Variants in DRD3 observed in about 807,000 individuals in gnomAD.
The protein encoded by DRD3 is dopamine receptor D3.
Under a neutral mutation model 36.3 loss-of-function variants are expected in DRD3, and 19 were observed. The ratio of observed to expected loss-of-function variants is 0.52; its 90% confidence interval spans 0.36 to 0.77. DRD3 has a LOEUF of 0.77. Among genes scored for constraint, DRD3 ranks in the 30% least tolerant of loss-of-function variants. DRD3 has a pLI of 0.00. For missense variants in DRD3, 465 were observed against 505.3 expected (o/e 0.92, Z 0.77); for synonymous variants, 195 against 203.7 (o/e 0.96, Z 0.36).
At chr3:114,169,459 A>T (rs1333967308) in intron 2 of DRD3, among the ~76,000 whole-genome samples, 4 of 151,628 alleles carry the variant, frequency 2.6e-5, no homozygotes, top group Non-Finnish European at 5.9e-5. Context: ...TATAGATTTT[A>T]AAAATCATGC....
rs142416108 is a variant in DRD3 at position 114,186,485 on chromosome 3, G to T, written c.-155-7709C>A. On this transcript the variant is annotated intron_variant, in intron 1 of 7. Transcript: ENST00000460779. Reference sequence around the variant, plus strand: ...GGAGGGGCTTATAACAGTGGGGGAGGTGCAACAACCGTGGTAGCATACTCC... The same window carrying T: ...GGAGGGGCTTATAACAGTGGGGGAGTTGCAACAACCGTGGTAGCATACTCC... Among the ~76,000 whole-genome samples the T allele has an allele frequency of 2.4e-4, 36 of 152,272 alleles. No homozygotes were observed. In the East Asian group the frequency reaches 6.8e-3, roughly 29 times the overall value.
chr3:114,193,907 T>C (rs1206639551), intron 1 of DRD3, among the ~76,000 whole-genome samples: 7 of 152,240 alleles, frequency 4.6e-5, no homozygotes, highest in Non-Finnish European at 8.8e-5. Context: ...GTTCATTCAC[T>C]GAGTAGATAT....
chr3:114,186,196 A>G (rs905818152), intron 1 of DRD3, among the ~76,000 whole-genome samples: 66 of 152,322 alleles, frequency 4.3e-4, no homozygotes, highest in African/African-American at 1.6e-3. Context: ...GTGGAAATAG[A>G]AAAATAAAGG....
intron 3 of DRD3, among the ~76,000 whole-genome samples, chr3:114,158,034 G>A (rs894483377): frequency 4.6e-5 from 7 of 152,030 alleles, no homozygotes; most frequent in African/African-American, 1.2e-4. Context: ...CCCGGGAGGT[G>A]GAGGTTACAG....
At chr3:114,188,001 A>G (rs1319540183) in intron 1 of DRD3, among the ~76,000 whole-genome samples, 1 of 152,046 alleles carries the variant, frequency 6.6e-6, no homozygotes, top group East Asian at 1.9e-4. Flanking sequence ...AGAAAAAGAG[A>G]AGCAAATACC....
chr3:114,133,516 T>A (rs1346078457), intron 5 of DRD3, among the ~76,000 whole-genome samples: 18 of 143,974 alleles, frequency 1.3e-4, no homozygotes, highest in Non-Finnish European at 2.0e-4. Flanking sequence ...TAATAGAAAT[T>A]AAAAAAAAAA....
At chr3:114,181,047 C>T (rs888644099), upstream of DRD3, among the ~76,000 whole-genome samples, 7 of 152,116 alleles carry the variant, frequency 4.6e-5, 1 homozygote, top group East Asian at 1.9e-4. Flanking sequence ...CTTGATAATG[C>T]GTGAATGTAG....
rs34500434 is a variant in DRD3 at position 114,164,220 on chromosome 3, C to CAAAAAAAAAAAAAA, written c.271-4367_271-4354dup. The stretch of plus-strand genomic sequence containing the variant: ...TGGGTGATAGAGCGAGCCTCAGTCT[C>CAAAAAAAAAAAAAA]AAAAAAAAAAAAAAAAAAAAAAAAA... On this transcript the variant is annotated intron_variant, in intron 2 of 6. Transcript: ENST00000383673. Among the ~76,000 whole-genome samples the CAAAAAAAAAAAAAA allele has an allele frequency of 1.0e-3, 18 of 17,776 alleles. 1 individual carries two copies. Among genetic ancestry groups the CAAAAAAAAAAAAAA allele is most frequent in the Admixed American group, 2.9e-3 (2 of 694 alleles). The allele number at this position is 17,776 out of a possible 152,430, so 11.7% of individuals were successfully genotyped here.
In DRD3 at chr3:114,193,046, G is replaced by A. The variant is rs552476152; in HGVS notation, c.-156+6227C>T. 4.6e-5 allele frequency among the ~76,000 whole-genome samples: 7 copies of A among 152,220 alleles called. No individual in the cohort carries two copies. In the East Asian group the frequency reaches 9.6e-4, roughly 21 times the overall value. ...TGTAATCCCAGCACTTTGGGAGGCC[G>A]AGGCGGGTAGATCACGAGGTCAGGA... On this transcript the variant is annotated intron_variant, in intron 1 of 7. Transcript: ENST00000460779.
At chr3:114,194,909 C>G (rs552183127) in intron 1 of DRD3, among the ~76,000 whole-genome samples, 1 of 151,480 alleles carries the variant, frequency 6.6e-6, no homozygotes, top group African/African-American at 2.4e-5. Flanking sequence ...AGAGAAAATT[C>G]TGCTTTTCTT....
chr3:114,167,670 T>A (rs1486877251), intron 2 of DRD3, among the ~76,000 whole-genome samples: 1 of 152,202 alleles, frequency 6.6e-6, no homozygotes, highest in Non-Finnish European at 1.5e-5. Flanking sequence ...CAATGAAAGC[T>A]GACTGTGGTT....
intron 3 of DRD3, among the ~76,000 whole-genome samples, chr3:114,151,989 C>G (rs1303582306): frequency 1.3e-5 from 2 of 152,232 alleles, no homozygotes; most frequent in African/African-American, 4.8e-5. Flanking sequence ...TGCAGAATAT[C>G]AGGCTTAGTT....
intron 5 of DRD3, among the ~76,000 whole-genome samples, chr3:114,137,969 G>A (rs1421202198): frequency 3.1e-5 from 4 of 130,550 alleles, no homozygotes; most frequent in African/African-American, 1.2e-4. Flanking sequence ...CTGCACTCCC[G>A]CCTGGGCCAC....
At chr3:114,162,076 G>A (rs2077738339) in intron 2 of DRD3, among the ~76,000 whole-genome samples, 1 of 152,188 alleles carries the variant, frequency 6.6e-6, no homozygotes, top group South Asian at 2.1e-4. Context: ...TTGGTTTGCA[G>A]CAGTGTATGT....
intron 1 of DRD3, among the ~76,000 whole-genome samples, chr3:114,174,214 A>G (rs745414589): frequency 2.0e-5 from 3 of 152,186 alleles, no homozygotes; most frequent in Non-Finnish European, 2.9e-5. Context: ...GAAAAATACA[A>G]TGCTTTCTGA....
chr3:114,171,444 C>A (rs2077840430), intron 2 of DRD3, among the ~76,000 whole-genome samples: 1 of 152,142 alleles, frequency 6.6e-6, no homozygotes, highest in Non-Finnish European at 1.5e-5. Context: ...AAACTCTAGG[C>A]CATATTAGGA....
At chr3:114,179,943 C>T (rs2077937094), upstream of DRD3, among the ~76,000 whole-genome samples, 2 of 152,082 alleles carry the variant, frequency 1.3e-5, no homozygotes. Flanking sequence ...TTTCAACAAC[C>T]CTACAAGGCA....
chr3:114,136,340 T>C (rs1327217708), intron 5 of DRD3, among the ~76,000 whole-genome samples: 1 of 152,130 alleles, frequency 6.6e-6, no homozygotes, highest in Non-Finnish European at 1.5e-5. Context: ...GATTATATAT[T>C]GGTGAGTGTA....
At chr3:114,180,661 A>G (rs1300642970), upstream of DRD3, among the ~76,000 whole-genome samples, 1 of 152,200 alleles carries the variant, frequency 6.6e-6, no homozygotes, top group Non-Finnish European at 1.5e-5. Context: ...CTAGCAAACT[A>G]ATACAGAGGG....
Sources: gnomAD v4.1 joint callset for allele counts (sites outside exome capture counted in the v4.1 genomes callset) on GRCh38, gnomAD v4.1.1 for gene constraint, MANE v1.5 for transcripts, NCBI Gene and HGNC (gene_info 2026-07-23, HGNC 2026-07-21) for gene names.